Variants in EPHA3 observed in about 807,000 individuals in gnomAD.
EPHA3 encodes the protein ephrin type-A receptor 3.
A neutral mutation model predicts 107.1 loss-of-function variants in EPHA3; 42 were observed. The observed-to-expected ratio is 0.39, with a 90% confidence interval of 0.31 to 0.51. The LOEUF (loss-of-function observed/expected upper bound fraction) is 0.51, where lower values mean the gene tolerates loss of function less well. Among genes scored for constraint, EPHA3 ranks in the 20% least tolerant of loss-of-function variants. EPHA3 has a pLI of 0.78. For missense variants in EPHA3, 1,183 were observed against 1,211.2 expected (o/e 0.98, Z 0.35); for synonymous variants, 461 against 424.8 (o/e 1.09, Z -1.05).
chr3:89,256,847 T>C (rs547692453), intron 3 of EPHA3, among the ~76,000 whole-genome samples: 1 of 152,294 alleles, frequency 6.6e-6, no homozygotes, highest in African/African-American at 2.4e-5. Context: ...CTTTATACCA[T>C]ACGGTAATGA....
chr3:89,156,832 C>T (rs1704818040), intron 2 of EPHA3, among the ~76,000 whole-genome samples: 1 of 151,676 alleles, frequency 6.6e-6, no homozygotes, highest in Admixed American at 6.6e-5. Flanking sequence ...TTGGTGGCAT[C>T]ACTTTCCTTT....
chr3:89,470,947 G>C (rs921758387), intron 15 of EPHA3, among the ~76,000 whole-genome samples: 18 of 152,122 alleles, frequency 1.2e-4, no homozygotes, highest in African/African-American at 3.4e-4. Flanking sequence ...CATGATGCCT[G>C]CCACATTGAG....
intron 11 of EPHA3, among the ~76,000 whole-genome samples, chr3:89,422,229 AC>A (rs1709365462): frequency 6.7e-6 from 1 of 149,752 alleles, no homozygotes; most frequent in Non-Finnish European, 1.5e-5. Flanking sequence ...ACACACACAC[AC>A]ACAGAGCGAT....
At chr3:89,474,750 AG>A (rs1174171897) in intron 16 of EPHA3, among the ~76,000 whole-genome samples, 1 of 152,254 alleles carries the variant, frequency 6.6e-6, no homozygotes, top group East Asian at 1.9e-4. Context: ...GCTTTAAAAA[AG>A]TGAATGACAG....
At chr3:89,277,702 A>T (rs1378444553) in intron 3 of EPHA3, among the ~76,000 whole-genome samples, 1 of 152,160 alleles carries the variant, frequency 6.6e-6, no homozygotes, top group Admixed American at 6.6e-5. Flanking sequence ...TTGTCATAAT[A>T]TGATGCCCTA....
chr3:89,248,976 T>A (rs1705100469), intron 3 of EPHA3, among the ~76,000 whole-genome samples: 1 of 152,238 alleles, frequency 6.6e-6, no homozygotes, highest in South Asian at 2.1e-4. Context: ...AGTCCTCATG[T>A]GGCAGAGATT....
At chr3:89,241,443 C>T (rs1704893654) in intron 3 of EPHA3, among the ~76,000 whole-genome samples, 1 of 152,134 alleles carries the variant, frequency 6.6e-6, no homozygotes. Flanking sequence ...CTTGAAATAA[C>T]TATTTCTATT....
chr3:89,345,109 A>T (rs1484145907), intron 5 of EPHA3, among the ~76,000 whole-genome samples: 1 of 151,068 alleles, frequency 6.6e-6, no homozygotes, highest in Non-Finnish European at 1.5e-5. Flanking sequence ...CACTAGTGGA[A>T]TATGCATATC....
intron 3 of EPHA3, among the ~76,000 whole-genome samples, chr3:89,270,604 T>A (rs1294937464): frequency 1.3e-5 from 2 of 152,148 alleles, no homozygotes; most frequent in Non-Finnish European, 2.9e-5. Flanking sequence ...TTTTCATTGA[T>A]GTTCATAAAA....
intron 3 of EPHA3, among the ~76,000 whole-genome samples, chr3:89,320,683 T>C (rs529573229): frequency 8.7e-4 from 132 of 152,172 alleles, no homozygotes; most frequent in African/African-American, 3.1e-3. Context: ...GGATCTTGAT[T>C]AACAAAAATT....
chr3:89,136,687 G>C (rs1704323285), intron 2 of EPHA3, among the ~76,000 whole-genome samples: 1 of 150,984 alleles, frequency 6.6e-6, no homozygotes, highest in Admixed American at 6.6e-5. Context: ...TAAGTGCATG[G>C]GTTTTATTTC....
At chr3:89,383,786 C>A (rs1708559411) in intron 5 of EPHA3, among the ~76,000 whole-genome samples, 1 of 151,330 alleles carries the variant, frequency 6.6e-6, no homozygotes. Context: ...GTAGCTGGGA[C>A]TACAGGTGCC....
rs530976516 is a variant in EPHA3, at chr3:89,394,261, T to C, written c.1307-1576T>C. ...CTTTGTCTCTACAAATAATAAAAAATTAGCTGATTGTGGTGGCACAAGCCT... is the reference window on the plus strand; with the variant it reads ...CTTTGTCTCTACAAATAATAAAAAACTAGCTGATTGTGGTGGCACAAGCCT... On this transcript the variant is annotated intron_variant, in intron 5 of 16. Transcript: ENST00000336596. Among the ~76,000 whole-genome samples, 22 of 152,112 alleles carry C rather than the reference T, an allele frequency of 1.4e-4. No homozygotes were observed. In the South Asian group the frequency reaches 4.4e-3, roughly 30 times the overall value.
chr3:89,229,896 GGTGCATTTAGGAATA>G (rs2107222519), intron 3 of EPHA3, among the ~76,000 whole-genome samples: 1 of 151,988 alleles, frequency 6.6e-6, no homozygotes, highest in African/African-American at 2.4e-5. Flanking sequence ...GATTCCATTG[GGTGCATTTAGGAATA>G]GTGTAACTGT....
chr3:89,283,364 A>T (rs1705994691), intron 3 of EPHA3, among the ~76,000 whole-genome samples: 1 of 152,026 alleles, frequency 6.6e-6, no homozygotes, highest in African/African-American at 2.4e-5. Flanking sequence ...CTGGTGAGGG[A>T]ATATGGTGGG....
chr3:89,147,517 T>C (rs1420105672), intron 2 of EPHA3, among the ~76,000 whole-genome samples: 1 of 151,878 alleles, frequency 6.6e-6, no homozygotes, highest in Non-Finnish European at 1.5e-5. Flanking sequence ...CTGCAAAAGT[T>C]ACAGCCACAG....
chr3:89,395,869 C>T lies in EPHA3; in HGVS notation c.1339C>T (p.Arg447Trp), dbSNP rs780126700. 2.3e-5 allele frequency: 37 copies of T among 1,613,864 alleles called. No individual in the cohort carries two copies. Among genetic ancestry groups the T allele is most frequent in the South Asian group, 8.8e-5 (8 of 91,060 alleles). The change falls in exon 6 of 17, where the codon CGG becomes TGG. Residue 447 changes from arginine to tryptophan, a missense_variant. By Grantham distance (101) the Arg-to-Trp change is moderately radical. Coordinates refer to ENST00000336596, the MANE Select transcript of EPHA3 (RefSeq NM_005233.6). The stretch of plus-strand genomic sequence containing the variant: ...ACCTGTCCTGACGATTAAGAAAGAT[C>T]GGACCTCCAGAAATAGCATCTCTTT... ...PSPVLTIKKD[R>W]TSRNSISLSW...
At chr3:89,344,873 T>TCAAATGTCCAACAATGATAGAC (rs1553684152) in intron 5 of EPHA3, among the ~76,000 whole-genome samples, 7 of 151,808 alleles carry the variant, frequency 4.6e-5, no homozygotes, top group South Asian at 2.1e-4. Flanking sequence ...AATTCGGATA[T>TCAAATGTCCAACAATGATAGAC]TAGTTCTCAG....
At chr3:89,469,859 G>C (rs1424316291) in intron 15 of EPHA3, among the ~76,000 whole-genome samples, 1 of 151,798 alleles carries the variant, frequency 6.6e-6, no homozygotes, top group Non-Finnish European at 1.5e-5. Flanking sequence ...ATTTGTTTTG[G>C]TGTCTTCTCA....
Sources: allele counts gnomAD v4.1 joint callset (sites outside exome capture counted in the v4.1 genomes callset), GRCh38; gene constraint gnomAD v4.1.1; transcripts MANE v1.5; gene names NCBI Gene and HGNC (gene_info 2026-07-23, HGNC 2026-07-21).